MAN1A1: variants seen among roughly 807,000 people sequenced by gnomAD.
MAN1A1 encodes the protein mannosyl-oligosaccharide 1,2-alpha-mannosidase IA.
MAN1A1 carries 29 observed loss-of-function variants against 70.8 expected under a neutral mutation model. The observed-to-expected ratio is 0.41, with a 90% CI of 0.31 to 0.56. The LOEUF (loss-of-function observed/expected upper bound fraction) is 0.56. MAN1A1 is among the 20% of genes least tolerant of loss of function. The pLI, the probability that MAN1A1 is intolerant of heterozygous loss-of-function variation, is 0.29. For missense variants in MAN1A1, 747 were observed against 841.3 expected, an observed-to-expected ratio of 0.89 and a Z score of 1.39; for synonymous variants, 349 against 330.1, an observed-to-expected ratio of 1.06 and a Z score of -0.62.
chr6:119,215,694 A>C (rs1175723125), intron 6 of MAN1A1, among the ~76,000 whole-genome samples: 1 of 152,202 alleles, frequency 6.6e-6, no homozygotes, highest in Non-Finnish European at 1.5e-5. Context: ...GTATAATAAC[A>C]ATATTTTTTG....
chr6:119,272,802 G>A (rs1299169362), intron 5 of MAN1A1, among the ~76,000 whole-genome samples: 1 of 152,076 alleles, frequency 6.6e-6, no homozygotes, highest in Non-Finnish European at 1.5e-5. Context: ...TTTTTGAACT[G>A]CTTTGGATAA....
chr6:119,183,483 C>A (rs750888180), intron 11 of MAN1A1, among the ~76,000 whole-genome samples: 4 of 151,776 alleles, frequency 2.6e-5, no homozygotes, highest in Non-Finnish European at 5.9e-5. Flanking sequence ...GGAAAAAAAT[C>A]AGAATTTAGA....
chr6:119,259,206 CTTCT>C (rs752099229), intron 5 of MAN1A1, among the ~76,000 whole-genome samples: 2 of 152,142 alleles, frequency 1.3e-5, no homozygotes, highest in African/African-American at 2.4e-5. Flanking sequence ...ATTCATTCTC[CTTCT>C]GAGTTGCTGA....
intron 6 of MAN1A1, among the ~76,000 whole-genome samples, chr6:119,215,229 G>C (rs113623675): frequency 1.3e-5 from 2 of 151,916 alleles, no homozygotes; most frequent in Non-Finnish European, 2.9e-5. Flanking sequence ...ACAAATTAGA[G>C]ATACTAATCA....
At chr6:119,227,454 G>A (rs1036743102) in intron 6 of MAN1A1, among the ~76,000 whole-genome samples, 1 of 152,164 alleles carries the variant, frequency 6.6e-6, no homozygotes, top group African/African-American at 2.4e-5. Flanking sequence ...AAGCAAAAAC[G>A]AATGGAACGG....
chr6:119,202,744 G>A (rs1169149012), intron 7 of MAN1A1, among the ~76,000 whole-genome samples: 1 of 152,108 alleles, frequency 6.6e-6, no homozygotes, highest in Non-Finnish European at 1.5e-5. Context: ...TCACATATGT[G>A]GTCCACTGTT....
rs1411756438 is a variant in MAN1A1, at chr6:119,261,139, C to T, written c.898-12785G>A. 2.6e-5 allele frequency among the ~76,000 whole-genome samples: 4 copies of T among 151,938 alleles called. No homozygotes were observed. The South Asian group carries it at 6.2e-4, about 24-fold the overall frequency. Reference sequence around the variant, plus strand: ...GACTACAGGCGCCTGCCACCATGCCCGGCTAATTTTTTTGTATTTTTAGTA... The same window carrying T: ...GACTACAGGCGCCTGCCACCATGCCTGGCTAATTTTTTTGTATTTTTAGTA... On this transcript the variant is annotated intron_variant, in intron 5 of 12. Transcript: ENST00000368468.
chr6:119,237,977 T>C (rs1387137367), intron 6 of MAN1A1, among the ~76,000 whole-genome samples: 1 of 152,202 alleles, frequency 6.6e-6, no homozygotes, highest in Non-Finnish European at 1.5e-5. Context: ...ACATTATTCT[T>C]AAAGTGATGG....
chr6:119,333,932 C>T (rs1395501296), intron 2 of MAN1A1, among the ~76,000 whole-genome samples: 3 of 152,072 alleles, frequency 2.0e-5, no homozygotes, highest in African/African-American at 7.2e-5. Flanking sequence ...CACTGACTTC[C>T]CAGACTCTCA....
At chr6:119,264,387 T>C (rs944112878) in intron 5 of MAN1A1, among the ~76,000 whole-genome samples, 7 of 152,232 alleles carry the variant, frequency 4.6e-5, no homozygotes, top group East Asian at 1.9e-4. Flanking sequence ...TACTGTATTG[T>C]TCCTGCAGTG....
chr6:119,256,077 T>G (rs1278460535), intron 5 of MAN1A1, among the ~76,000 whole-genome samples: 1 of 152,196 alleles, frequency 6.6e-6, no homozygotes, highest in African/African-American at 2.4e-5. Context: ...TCTTCCCAAC[T>G]TGTTTTTTTT....
At chr6:119,258,586 G>T (rs528528138) in intron 5 of MAN1A1, among the ~76,000 whole-genome samples, 11 of 152,168 alleles carry the variant, frequency 7.2e-5, no homozygotes, top group African/African-American at 2.6e-4. Context: ...TCCTCAGGGG[G>T]TCCTGAAACC....
chr6:119,325,776 A>C (rs1773130466), intron 2 of MAN1A1, among the ~76,000 whole-genome samples: 1 of 152,226 alleles, frequency 6.6e-6, no homozygotes, highest in Non-Finnish European at 1.5e-5. Flanking sequence ...AGGCTTCAAC[A>C]AAAGTCCTAA....
At chr6:119,331,606 G>A (rs1296138901) in intron 2 of MAN1A1, among the ~76,000 whole-genome samples, 3 of 90,540 alleles carry the variant, frequency 3.3e-5, no homozygotes, top group Admixed American at 1.1e-4. Flanking sequence ...TATAATCAAG[G>A]GGATATAAAC....
chr6:119,192,111 T>C (rs533366982), intron 9 of MAN1A1, among the ~76,000 whole-genome samples: 1 of 152,148 alleles, frequency 6.6e-6, no homozygotes, highest in South Asian at 2.1e-4. Context: ...GTGGGTATGG[T>C]TTTAGGAATT....
At chr6:119,180,226 T>C (rs1773113943) in intron 12 of MAN1A1, 86 bp downstream of exon 12, 1 of 912,738 alleles carries the variant, frequency 1.1e-6, no homozygotes, top group Non-Finnish European at 1.7e-6. Flanking sequence ...ATACTTGATA[T>C]TACTTGAATG....
intron 5 of MAN1A1, among the ~76,000 whole-genome samples, chr6:119,256,870 C>T (rs912852743): frequency 2.0e-5 from 3 of 152,034 alleles, no homozygotes; most frequent in African/African-American, 4.8e-5. Context: ...AAGGGCTATA[C>T]GAGAGATACA....
chr6:119,297,804 G>GTT (rs373387072), intron 4 of MAN1A1, among the ~76,000 whole-genome samples: 44,888 of 93,580 alleles, frequency 0.48, 8,146 homozygotes, highest in Non-Finnish European at 0.51. Flanking sequence ...TTTTTGTTTT[G>GTT]TTTTGTTTTT....
intron 4 of MAN1A1, among the ~76,000 whole-genome samples, chr6:119,299,470 T>G (rs1772323178): frequency 6.6e-6 from 1 of 152,084 alleles, no homozygotes; most frequent in Non-Finnish European, 1.5e-5. Flanking sequence ...TATGAATACA[T>G]AACAGTTGTA....
Sources: allele counts gnomAD v4.1 joint callset (sites outside exome capture counted in the v4.1 genomes callset), GRCh38; gene constraint gnomAD v4.1.1; transcripts MANE v1.5; gene names NCBI Gene and HGNC (gene_info 2026-07-23, HGNC 2026-07-21).